GRIK3: variants seen among roughly 807,000 people sequenced by gnomAD.
GRIK3 encodes glutamate ionotropic receptor kainate type subunit 3.
Under a neutral mutation model 102.5 loss-of-function variants are expected in GRIK3, and 29 were observed. That is an observed-to-expected ratio of 0.28 (90% CI 0.21 to 0.39). The LOEUF (loss-of-function observed/expected upper bound fraction) is 0.39. Among genes scored for constraint, GRIK3 ranks in the 10% least tolerant of loss-of-function variants. The pLI is 1.00. For missense variants in GRIK3, 908 were observed against 1,252.4 expected (o/e 0.73, Z 4.15); for synonymous variants, 511 against 504.9 (o/e 1.01, Z -0.16).
At chr1:36,958,815 G>A (rs1464280937) in intron 1 of GRIK3, among the ~76,000 whole-genome samples, 1 of 118,142 alleles carries the variant, frequency 8.5e-6, no homozygotes, top group Non-Finnish European at 1.9e-5. Context: ...CCGTGAGCCT[G>A]TGTGCCCTGT....
chr1:36,872,580 C>T lies in GRIK3; in HGVS notation c.551-211G>A, dbSNP rs771911932. 2.0e-5 allele frequency among the ~76,000 whole-genome samples: 3 copies of T among 152,144 alleles called. No homozygotes were observed. The highest frequency in any genetic ancestry group is 6.5e-5 in the Admixed American group (1 of 15,282). The stretch of plus-strand genomic sequence containing the variant: ...ACATACAAACACATGGCTACACGCA[C>T]GTGCATGTCAATATGGGCAGGAATA... On this transcript the variant is annotated intron_variant, in intron 3 of 15. Transcript: ENST00000373091. This position sits in a 1 kb window ranked among gnomAD's most constrained non-coding sequence, Gnocchi z 5.9.
chr1:36,852,432 T>G (rs1640596285), intron 8 of GRIK3, among the ~76,000 whole-genome samples: 2 of 151,950 alleles, frequency 1.3e-5, no homozygotes. Flanking sequence ...GATGGGGCCA[T>G]GGGGTATGTT....
At chr1:36,852,079 G>A (rs536085178) in intron 8 of GRIK3, among the ~76,000 whole-genome samples, 69 of 152,280 alleles carry the variant, frequency 4.5e-4, no homozygotes, top group Non-Finnish European at 6.8e-4. Context: ...CTGGAAGATC[G>A]CTTGATGAGA....
chr1:36,950,165 C>A (rs1641829422), intron 1 of GRIK3, among the ~76,000 whole-genome samples: 1 of 152,252 alleles, frequency 6.6e-6, no homozygotes, highest in South Asian at 2.1e-4. Context: ...GACTTTATTA[C>A]CCCAGTCCTA....
At chr1:36,808,885 C>T (rs1191169223) in intron 13 of GRIK3, among the ~76,000 whole-genome samples, 1 of 152,166 alleles carries the variant, frequency 6.6e-6, no homozygotes, top group Non-Finnish European at 1.5e-5. Flanking sequence ...TCATCAATTC[C>T]AACTATTCTT....
At position 36,986,384 on chromosome 1, in the gene GRIK3, C is replaced by A. The variant is rs575827844; in HGVS notation, c.115+47610G>T. 8.0e-4 allele frequency among the ~76,000 whole-genome samples: 121 copies of A among 151,732 alleles called. No homozygotes were observed. In the South Asian group the frequency reaches 0.025, roughly 31 times the overall value. On this transcript the variant is annotated intron_variant, in intron 1 of 15. Transcript: ENST00000373091. ...CCATCCGTCAGTCCGCCCATCCATC[C>A]ATCCATCCATCCATCCTGTCCCCAT...
intron 1 of GRIK3, among the ~76,000 whole-genome samples, chr1:36,943,319 G>C (rs1286219354): frequency 6.6e-6 from 1 of 152,210 alleles, no homozygotes; most frequent in Non-Finnish European, 1.5e-5. Context: ...CCTGGCTGAG[G>C]GGTCAAGCAA....
At chr1:36,823,120 GA>G (rs1297191962) in intron 11 of GRIK3, among the ~76,000 whole-genome samples, 1 of 152,150 alleles carries the variant, frequency 6.6e-6, no homozygotes, top group Non-Finnish European at 1.5e-5. Context: ...CACCAGGAGT[GA>G]AGGGGAGATG....
At chr1:36,802,320 A>G (rs1276127134) in intron 15 of GRIK3, among the ~76,000 whole-genome samples, 2 of 152,192 alleles carry the variant, frequency 1.3e-5, no homozygotes, top group African/African-American at 2.4e-5. Context: ...AATGGCATGC[A>G]CATTAACGTC....
At chr1:36,994,388 A>G (rs993873766) in intron 1 of GRIK3, among the ~76,000 whole-genome samples, 1 of 152,206 alleles carries the variant, frequency 6.6e-6, no homozygotes. Context: ...TTATCAAACA[A>G]TTTACAAATG....
At chr1:36,813,377 A>G (rs941873638) in intron 13 of GRIK3, among the ~76,000 whole-genome samples, 2 of 152,220 alleles carry the variant, frequency 1.3e-5, no homozygotes, top group African/African-American at 4.8e-5. Flanking sequence ...AATGTCTCCT[A>G]GACATCTGAT....
intron 1 of GRIK3, among the ~76,000 whole-genome samples, chr1:36,928,388 G>T (rs1352548404): frequency 6.6e-6 from 1 of 152,190 alleles, no homozygotes. Context: ...CATCGTGGCT[G>T]CCCAGGTGAA....
At chr1:36,822,177 T>G (rs1642702407) in intron 11 of GRIK3, among the ~76,000 whole-genome samples, 1 of 152,216 alleles carries the variant, frequency 6.6e-6, no homozygotes, top group African/African-American at 2.4e-5. Context: ...AAGGGTGGCC[T>G]TGTCTTCTGG....
chr1:37,021,051 T>C (rs1642705733), intron 1 of GRIK3, among the ~76,000 whole-genome samples: 1 of 152,124 alleles, frequency 6.6e-6, no homozygotes, highest in African/African-American at 2.4e-5. Context: ...TAGGCTCTTT[T>C]GTTCTCTTAA....
At chr1:36,982,211 G>A (rs183931757) in intron 1 of GRIK3, among the ~76,000 whole-genome samples, 22 of 152,314 alleles carry the variant, frequency 1.4e-4, no homozygotes, top group Admixed American at 8.5e-4. Flanking sequence ...GAGTGAGTGC[G>A]TGGTGCTGGT....
At chr1:36,810,582 T>C (rs937187091) in intron 13 of GRIK3, among the ~76,000 whole-genome samples, 2 of 152,208 alleles carry the variant, frequency 1.3e-5, no homozygotes, top group African/African-American at 2.4e-5. Flanking sequence ...TAAGTCTATA[T>C]ATATATAGCA....
At chr1:37,011,265 T>C (rs1642593546) in intron 1 of GRIK3, among the ~76,000 whole-genome samples, 1 of 152,224 alleles carries the variant, frequency 6.6e-6, no homozygotes, top group African/African-American at 2.4e-5. Flanking sequence ...GGTTCTTGTC[T>C]TGTAACATTG....
rs138553720 is a variant in GRIK3, at chr1:37,002,506, T to G, written c.115+31488A>C. ...TCTAGGATTTATCCTTGGATCAAGC[T>G]GTGCACTTGAACTGCATCCTCGGCT... On this transcript the variant is annotated intron_variant, in intron 1 of 15. Transcript: ENST00000373091. Among the ~76,000 whole-genome samples, 56 of 152,336 alleles carry G rather than the reference T, an allele frequency of 3.7e-4. No individual in the cohort carries two copies. The East Asian group carries it at 8.3e-3, about 23-fold the overall frequency.
At chr1:36,997,569 A>G (rs921765795) in intron 1 of GRIK3, among the ~76,000 whole-genome samples, 14 of 152,208 alleles carry the variant, frequency 9.2e-5, no homozygotes, top group African/African-American at 3.4e-4. Flanking sequence ...TTGCAACCAC[A>G]TCTGGAGCGG....
Sources: gnomAD v4.1 joint callset for allele counts (sites outside exome capture counted in the v4.1 genomes callset) on GRCh38, gnomAD v4.1.1 for gene constraint, Gnocchi (gnomAD v3.1) non-coding constraint, MANE v1.5 for transcripts, NCBI Gene and HGNC (gene_info 2026-07-23, HGNC 2026-07-21) for gene names.